Variants in PCDH10 observed in about 807,000 individuals in gnomAD.
PCDH10 encodes the protein protocadherin 10.
In PCDH10, 15 loss-of-function variants were observed where a neutral mutation model predicts 74.4. The ratio of observed to expected loss-of-function variants is 0.20; its 90% CI spans 0.13 to 0.31. The LOEUF is 0.31. PCDH10 is among the 10% of genes least tolerant of loss of function. PCDH10 has a pLI of 1.00. For missense variants in PCDH10, 1,260 were observed against 1,390.2 expected, an observed-to-expected ratio of 0.91 and a Z score of 1.49; for synonymous variants, 619 against 589.8, an observed-to-expected ratio of 1.05 and a Z score of -0.72.
At chr4:133,204,987 C>A (rs771950166) in intron 2 of PCDH10, among the ~76,000 whole-genome samples, 2 of 152,138 alleles carry the variant, frequency 1.3e-5, no homozygotes, top group Admixed American at 6.5e-5. Context: ...ACCCTGGTTC[C>A]AAGGGGATGA....
At chr4:133,202,652 T>C (rs1186626929) in intron 2 of PCDH10, among the ~76,000 whole-genome samples, 3 of 152,090 alleles carry the variant, frequency 2.0e-5, no homozygotes, top group Non-Finnish European at 4.4e-5. Flanking sequence ...TTCATGAAAA[T>C]GTACAGAAGA....
intron 4 of PCDH10, among the ~76,000 whole-genome samples, chr4:133,188,970 C>T (rs184284600): frequency 6.1e-4 from 92 of 151,858 alleles, no homozygotes; most frequent in Admixed American, 2.1e-3. Context: ...CCACCACATC[C>T]GGCCGACTGC....
rs572712938 is a variant in PCDH10 at position 133,193,413 on chromosome 4, T to C, written c.*3253T>C. On this transcript the variant is annotated 3_prime_UTR_variant, in exon 5 of 5. Transcript: ENST00000264360. Reference sequence around the variant, plus strand: ...AATATTTTAATTTCTCATTGTTTTATTTGTTAATTGGATTGTAATTTGCCA... The same window carrying C: ...AATATTTTAATTTCTCATTGTTTTACTTGTTAATTGGATTGTAATTTGCCA... The C allele has an allele frequency of 1.5e-4, 23 of 151,834 alleles. No individual in the cohort carries two copies. The East Asian group carries it at 3.7e-3, about 24-fold the overall frequency. The allele number at this position is 151,834 out of a possible 1,614,324, so 9.4% of individuals were successfully genotyped here.
chr4:133,152,146 C>T lies in PCDH10; in HGVS notation c.2006C>T (p.Ser669Phe), dbSNP rs201588740. The T allele has an allele frequency of 1.1e-4, 168 of 1,565,252 alleles. 3 individuals carry two copies. The highest frequency in any genetic ancestry group is 6.1e-4 in the South Asian group (50 of 82,222). Residue 669 changes from serine (S) to phenylalanine (F), a missense_variant, in exon 1 of 5, where the codon TCC becomes TTC. Transcript: ENST00000264360. ...CGCGACCATGGGCAGCCGCCCCTTT[C>T]CTCCACCGCCACCCTGGTGGTTCAG... Reference protein sequence around the residue: ...EVRDHGQPPLSSTATLVVQLV... With the variant: ...EVRDHGQPPLFSTATLVVQLV...
At position 133,149,582 on chromosome 4, in the gene PCDH10, G is replaced by T. The variant is rs1726596117; in HGVS notation, c.-559G>T. The T allele has an allele frequency of 6.6e-6, 1 of 152,488 alleles. No homozygotes were observed. 9.4% of individuals were successfully genotyped at this position (152,488 alleles called of 1,614,324 possible). ...AAGTTTTAAGCTGCAGAGCCGTTCT[G>T]TGCTTTTCCGGCACAAAATTATATC... is the stretch of plus-strand genomic sequence containing the variant. On this transcript the variant is annotated 5_prime_UTR_variant, in exon 1 of 5. Transcript: ENST00000264360.
At position 133,152,436 on chromosome 4, in the gene PCDH10, G is replaced by A; in HGVS notation, c.2296G>A (p.Gly766Arg). 1 of 1,614,138 alleles carries A rather than the reference G, an allele frequency of 6.2e-7. No homozygotes were observed. The highest frequency in any genetic ancestry group is 1.1e-5 in the South Asian group (1 of 91,084). Residue 766 changes from glycine to arginine, a missense_variant, in exon 1 of 5, where the codon GGA becomes AGA. Gly to Arg is a moderately radical substitution (Grantham distance 125). Around this residue, in one of 11 missense-constraint regions of PCDH10, gnomAD observed 587 missense variants for 616.9 expected, o/e 0.95. Transcript: ENST00000264360. ...CCLCCCCCGG[G>R]GSTCCGRQAR... ...CCTCTGCTGCTGCTGCTGCGGTGGC[G>A]GAGGTTCGACCTGCTGTGGCCGCCA...
chr4:133,154,415 A>T, intron 2 of PCDH10, 50 bp downstream of exon 2: 1 of 1,033,436 alleles, frequency 9.7e-7, no homozygotes, highest in Non-Finnish European at 1.5e-6. Flanking sequence ...ACAACCTAGT[A>T]AAAGTAGGAA....
At chr4:133,180,302 T>C (rs1387871028) in intron 4 of PCDH10, among the ~76,000 whole-genome samples, 2 of 152,092 alleles carry the variant, frequency 1.3e-5, no homozygotes, top group Non-Finnish European at 2.9e-5. Flanking sequence ...ATAATATTTA[T>C]GAACAGGAGG....
chr4:133,195,217 T>A (rs1429706934), downstream of PCDH10, among the ~76,000 whole-genome samples: 2 of 152,016 alleles, frequency 1.3e-5, no homozygotes, highest in Non-Finnish European at 2.9e-5. Flanking sequence ...AGAAGAAACG[T>A]TCTTCTTAAT....
rs1283066600 is a variant in PCDH10 at position 133,193,056 on chromosome 4, G to C, written c.*2896G>C. ...CATGTCATTTACTCCTTGTTAACATGGTTAGTTTTAGAGCAGTCAAAGTCA... is the reference window on the plus strand; with the variant it reads ...CATGTCATTTACTCCTTGTTAACATCGTTAGTTTTAGAGCAGTCAAAGTCA... On this transcript the variant is annotated 3_prime_UTR_variant, in exon 5 of 5. Coordinates refer to ENST00000264360, the MANE Select transcript of PCDH10 (RefSeq NM_032961.3). 2 of 150,948 alleles carry C rather than the reference G, an allele frequency of 1.3e-5. No individual in the cohort carries two copies. Among genetic ancestry groups the C allele is most frequent in the Non-Finnish European group, 3.0e-5 (2 of 67,522 alleles). The allele number at this position is 150,948 out of a possible 1,614,324, so 9.4% of individuals were successfully genotyped here.
intron 4 of PCDH10, chr4:133,163,886 G>T (rs1401826556): frequency 1.1e-5 from 5 of 438,646 alleles, no homozygotes; most frequent in South Asian, 8.2e-5. Flanking sequence ...AAACTTAAAG[G>T]AAAAAAACAG....
chr4:133,166,744 A>G (rs1396026456), intron 4 of PCDH10, among the ~76,000 whole-genome samples: 1 of 151,544 alleles, frequency 6.6e-6, no homozygotes, highest in Non-Finnish European at 1.5e-5. Context: ...CTATACAGTA[A>G]TAAAGGCGTA....
chr4:133,185,286 A>G (rs914626448), intron 4 of PCDH10, among the ~76,000 whole-genome samples: 5 of 151,534 alleles, frequency 3.3e-5, no homozygotes, highest in African/African-American at 1.2e-4. Flanking sequence ...ATTTTCAAAA[A>G]TAAAAGCAAA....
chr4:133,208,326 T>G (rs1728092698), exon 3 of PCDH10: 1 of 152,224 alleles, frequency 6.6e-6, no homozygotes, highest in African/African-American at 2.4e-5. Flanking sequence ...TGTGAGGTTT[T>G]GGGGTATATT....
Position 133,190,289 on chromosome 4 carries a change from G to A in PCDH10, c.*129G>A. The A allele has an allele frequency of 1.2e-6, 1 of 822,658 alleles. No individual in the cohort carries two copies. Among genetic ancestry groups the A allele is most frequent in the Non-Finnish European group, 2.1e-6 (1 of 476,216 alleles). 51.0% of individuals were successfully genotyped at this position (822,658 alleles called of 1,614,324 possible). A position where few individuals can be genotyped will look rare whatever the true frequency, so the allele number is the denominator to read the frequency against. ...TGTAACTGAGTATTAGATTTCGGAT[G>A]GAGTCATCATGGCCAATTATAGGAC... is the stretch of plus-strand genomic sequence containing the variant. On this transcript the variant is annotated 3_prime_UTR_variant, in exon 5 of 5. Coordinates refer to ENST00000264360, the MANE Select transcript of PCDH10 (RefSeq NM_032961.3).
rs546755293 is a variant in PCDH10 at position 133,154,796 on chromosome 4, A to G, written c.2691-121A>G. 217 of 680,566 alleles carry G rather than the reference A, an allele frequency of 3.2e-4. No individual in the cohort carries two copies. The African/African-American group carries it at 3.5e-3, about 11-fold the overall frequency. The allele number at this position is 680,566 out of a possible 1,614,324, so 42.2% of individuals were successfully genotyped here. A position where few individuals can be genotyped will look rare whatever the true frequency, so the allele number is the denominator to read the frequency against. ...CTATAAAAACTAGCTTTATGCAGAA[A>G]CAAAGCCAACTAAGAGGTCTGTGAG... On this transcript the variant is annotated intron_variant, in intron 2 of 4. Transcript: ENST00000264360.
intron 3 of PCDH10, 24 bp from the exon 4 acceptor site, chr4:133,162,953 G>A (rs761033531): frequency 3.6e-5 from 57 of 1,583,986 alleles, no homozygotes; most frequent in East Asian, 1.1e-4. Context: ...GACTACATCC[G>A]TAGTTTCTGT....
Position 133,152,054 on chromosome 4 carries a change from G to C in PCDH10, c.1914G>C (p.Leu638=). Residue 638 remains leucine (L), a synonymous_variant, in exon 1 of 5, where the codon CTG becomes CTC. Transcript: ENST00000264360. ...GCATGGACTGGCGCACCGGGGAGCT[G>C]CGCACAGCACGCCGAGTCCCGGCCA... ...LFRMDWRTGE[L]RTARRVPAKR... is the part of the protein sequence containing the mutation. 1.9e-6 allele frequency: 3 copies of C among 1,609,544 alleles called. No homozygotes were observed. The highest frequency in any genetic ancestry group is 2.5e-6 in the Non-Finnish European group (3 of 1,178,208).
At chr4:133,205,037 G>A (rs1727974922) in intron 2 of PCDH10, among the ~76,000 whole-genome samples, 2 of 152,116 alleles carry the variant, frequency 1.3e-5, no homozygotes, top group South Asian at 2.1e-4. Context: ...TGTTAGCAGG[G>A]AACTGAAACC....
Sources: gnomAD v4.1 joint callset for allele counts (sites outside exome capture counted in the v4.1 genomes callset) on GRCh38, gnomAD v4.1.1 for gene constraint, gnomAD v4.1.1 regional missense constraint, MANE v1.5 for transcripts, NCBI Gene and HGNC (gene_info 2026-07-23, HGNC 2026-07-21) for gene names.